DNAH12: variants seen among roughly 807,000 people sequenced by gnomAD.
The protein encoded by DNAH12 is dynein axonemal heavy chain 12.
A neutral mutation model predicts 371.5 loss-of-function variants in DNAH12; 285 were observed. The ratio of observed to expected loss-of-function variants is 0.77; its 90% CI spans 0.70 to 0.85. The LOEUF (loss-of-function observed/expected upper bound fraction) is 0.85, where lower values mean the gene tolerates loss of function less well. Among genes scored for constraint, DNAH12 ranks in the 40% least tolerant of loss-of-function variants. DNAH12 has a pLI of 0.00. For synonymous variants in DNAH12, 1,200 were observed against 1,213.0 expected (o/e 0.99, Z 0.22); for missense variants, 3,611 against 3,689.4 (o/e 0.98, Z 0.55).
intron 8 of DNAH12, among the ~76,000 whole-genome samples, chr3:57,505,010 C>T (rs2153391933): frequency 6.6e-6 from 1 of 152,272 alleles, no homozygotes; most frequent in Non-Finnish European, 1.5e-5. Context: ...ACCTCAGCCT[C>T]CTGAGTAGCT....
At chr3:57,345,180 C>T (rs142210634) in intron 60 of DNAH12, among the ~76,000 whole-genome samples, 13 of 152,196 alleles carry the variant, frequency 8.5e-5, no homozygotes, top group Non-Finnish European at 1.3e-4. Flanking sequence ...AATCTGTTTA[C>T]AAGATGAAAT....
chr3:57,299,544 A>G (rs1306999126), intron 70 of DNAH12, among the ~76,000 whole-genome samples: 1 of 152,036 alleles, frequency 6.6e-6, no homozygotes, highest in Non-Finnish European at 1.5e-5. Context: ...TGAAGATGCT[A>G]TGGACTGAAT....
intron 29 of DNAH12, among the ~76,000 whole-genome samples, chr3:57,443,658 A>G (rs980288395): frequency 1.3e-5 from 2 of 152,116 alleles, no homozygotes; most frequent in Non-Finnish European, 2.9e-5. Flanking sequence ...TAACATATCC[A>G]TCACTACCCG....
intron 55 of DNAH12, among the ~76,000 whole-genome samples, chr3:57,373,376 C>T (rs1045442795): frequency 2.4e-4 from 36 of 150,644 alleles, no homozygotes; most frequent in South Asian, 6.3e-4. Context: ...AGTGCAGTGG[C>T]GCAATCTTGG....
chr3:57,311,040 G>T, intron 66 of DNAH12, 90 bp from the exon 67 acceptor site: 2 of 929,840 alleles, frequency 2.2e-6, no homozygotes, highest in South Asian at 1.7e-5. Flanking sequence ...CTAGAAAGGG[G>T]GTTGAAAGAA....
chr3:57,327,702 C>G (rs1318115841), intron 62 of DNAH12, among the ~76,000 whole-genome samples: 2 of 151,608 alleles, frequency 1.3e-5, no homozygotes, highest in African/African-American at 2.4e-5. Context: ...CAAGAAATAA[C>G]TAAAACCAGA....
chr3:57,409,344 T>C (rs2064134127), intron 39 of DNAH12, among the ~76,000 whole-genome samples: 1 of 152,070 alleles, frequency 6.6e-6, no homozygotes, highest in Admixed American at 6.6e-5. Context: ...GAAAATATGG[T>C]TTTTGGTAAC....
chr3:57,395,973 TA>T (rs2063728866), intron 43 of DNAH12, among the ~76,000 whole-genome samples: 1 of 150,666 alleles, frequency 6.6e-6, no homozygotes, highest in African/African-American at 2.4e-5. Context: ...TATTTTAAAT[TA>T]AAAATTTAAA....
rs1487089618 is a variant in DNAH12, at chr3:57,468,955, G to A, written c.2130C>T (p.Asp710=). 1.3e-6 allele frequency: 2 copies of A among 1,506,590 alleles called. No individual in the cohort carries two copies. The highest frequency in any genetic ancestry group is 8.8e-7 in the Non-Finnish European group (1 of 1,133,704). The allele number at this position is 1,506,590 out of a possible 1,614,324, so 93.3% of individuals were successfully genotyped here. The change falls in exon 17 of 74, where the codon GAC becomes GAT. Residue 710 remains aspartate (D), a synonymous_variant. Coordinates refer to ENST00000495027, the MANE Select transcript of DNAH12 (RefSeq NM_001366028.2). Reference sequence around the variant, plus strand: ...CAGCCTCCATGCTTTCCCCATTGAGGTCCAAAAACCCTCCATCCATCCACC... The same window carrying A: ...CAGCCTCCATGCTTTCCCCATTGAGATCCAAAAACCCTCCATCCATCCACC... ...EKRWMDGGFL[D]LNGESMEADV... is the part of the protein sequence containing the mutation.
intron 17 of DNAH12, among the ~76,000 whole-genome samples, chr3:57,466,453 T>C (rs2066206099): frequency 6.6e-6 from 1 of 152,222 alleles, no homozygotes; most frequent in African/African-American, 2.4e-5. Flanking sequence ...ATCTCTGAGA[T>C]GAATAGACAT....
intron 60 of DNAH12, among the ~76,000 whole-genome samples, chr3:57,340,957 T>C (rs1182367590): frequency 6.6e-6 from 1 of 152,196 alleles, no homozygotes; most frequent in African/African-American, 2.4e-5. Flanking sequence ...ATCAAGTGGA[T>C]TTATCCTAGG....
chr3:57,339,288 C>T (rs1383699521), intron 60 of DNAH12, among the ~76,000 whole-genome samples: 1 of 151,748 alleles, frequency 6.6e-6, no homozygotes, highest in African/African-American at 2.4e-5. Flanking sequence ...CCTTTGTTCA[C>T]GTGTTTATCT....
intron 13 of DNAH12, among the ~76,000 whole-genome samples, chr3:57,476,598 C>T (rs1268845860): frequency 6.7e-6 from 1 of 148,912 alleles, no homozygotes; most frequent in African/African-American, 2.5e-5. Context: ...CAGAATAGCA[C>T]TAACATCCAG....
At chr3:57,417,849 G>A (rs990859479) in intron 37 of DNAH12, among the ~76,000 whole-genome samples, 2 of 151,800 alleles carry the variant, frequency 1.3e-5, no homozygotes, top group African/African-American at 2.4e-5. Context: ...AATGTATTTC[G>A]ATATAAAAAG....
rs1233550318 is a variant in DNAH12, at chr3:57,531,618, T to C, written c.171-7734A>G. Among the ~76,000 whole-genome samples, 6 of 151,732 alleles carry C rather than the reference T, an allele frequency of 4.0e-5. No homozygotes were observed. In the South Asian group the frequency reaches 1.3e-3, roughly 32 times the overall value. On this transcript the variant is annotated intron_variant, in intron 2 of 73. Coordinates refer to ENST00000495027, the MANE Select transcript of DNAH12 (RefSeq NM_001366028.2). ...ATCTACTAAAAATACAAAAAAAATA[T>C]CTGGGTGTGGCGGCATGTGCTGTAA...
chr3:57,435,638 A>G (rs530676258), intron 30 of DNAH12, among the ~76,000 whole-genome samples: 1 of 152,020 alleles, frequency 6.6e-6, no homozygotes, highest in African/African-American at 2.4e-5. Flanking sequence ...CTAGTCTAAA[A>G]CATAAGTGAA....
chr3:57,446,318 T>A, intron 26 of DNAH12, 48 bp from the exon 27 acceptor site: 1 of 1,520,190 alleles, frequency 6.6e-7, no homozygotes, highest in South Asian at 1.3e-5. Context: ...GGAAAGGATA[T>A]CATCTCTTAA....
At chr3:57,491,414 C>T (rs1246564542) in intron 11 of DNAH12, among the ~76,000 whole-genome samples, 1 of 152,010 alleles carries the variant, frequency 6.6e-6, no homozygotes, top group African/African-American at 2.4e-5. Context: ...TTATTAACAC[C>T]TAGGTTATAA....
chr3:57,489,597 A>G lies in DNAH12; in HGVS notation c.1426T>C (p.Leu476=). ...GCTTTATTTGTCAGGCCTGTCTTCA[A>G]ATCTTCACAATCCAAACGCACCATA... The part of the protein sequence containing the change: ...YTMVRLDCED[L]KTGLTNKAKA... The change falls in exon 12 of 74, where the codon TTG becomes CTG. Residue 476 remains leucine (L), a synonymous_variant. Transcript: ENST00000495027. 4 of 1,543,498 alleles carry G rather than the reference A, an allele frequency of 2.6e-6. No individual in the cohort carries two copies. The highest frequency in any genetic ancestry group is 3.5e-6 in the Non-Finnish European group (4 of 1,144,552).
Sources: gnomAD v4.1 joint callset for allele counts (sites outside exome capture counted in the v4.1 genomes callset) on GRCh38, gnomAD v4.1.1 for gene constraint, MANE v1.5 for transcripts, NCBI Gene and HGNC (gene_info 2026-07-23, HGNC 2026-07-21) for gene names.